The following KCNQ4 variants were observed in gnomAD, a reference collection of about 807,000 sequenced individuals.
KCNQ4 encodes the protein potassium voltage-gated channel subfamily KQT member 4.
KCNQ4 carries 31 observed loss-of-function variants against 72.6 expected under a neutral mutation model. The ratio of observed to expected loss-of-function variants is 0.43; its 90% confidence interval spans 0.32 to 0.58. The LOEUF (loss-of-function observed/expected upper bound fraction) is 0.58. KCNQ4 is among the 20% of genes least tolerant of loss of function. KCNQ4 has a pLI of 0.08. For missense variants in KCNQ4, 869 were observed against 962.6 expected (o/e 0.90, Z 1.29); for synonymous variants, 405 against 403.7 (o/e 1.00, Z -0.04).
At chr1:40,816,102 C>A (rs1648077866) in intron 1 of KCNQ4, among the ~76,000 whole-genome samples, 1 of 152,246 alleles carries the variant, frequency 6.6e-6, no homozygotes, top group East Asian at 1.9e-4. Context: ...CTCGCAGGCA[C>A]AGACATGAGG....
intron 7 of KCNQ4, 82 bp downstream of exon 7, chr1:40,820,342 C>A: frequency 1.7e-6 from 2 of 1,201,854 alleles, no homozygotes; most frequent in Non-Finnish European, 2.4e-6. Flanking sequence ...TGACCCATGT[C>A]CCCAGCCCAA....
intron 1 of KCNQ4, among the ~76,000 whole-genome samples, chr1:40,808,991 T>C (rs763593793): frequency 1.3e-4 from 19 of 151,796 alleles, no homozygotes; most frequent in Non-Finnish European, 2.5e-4. Flanking sequence ...TGTTCTGGTC[T>C]TCCTCTCCTT....
At position 40,822,297 on chromosome 1, in the gene KCNQ4, G is replaced by C; in HGVS notation, c.1042-17G>C. The C allele has an allele frequency of 9.3e-6, 15 of 1,610,438 alleles. No individual in the cohort carries two copies. The highest frequency in any genetic ancestry group is 1.3e-5 in the Non-Finnish European group (15 of 1,176,918). On this transcript the variant is annotated splice_polypyrimidine_tract_variant and intron_variant, in intron 7 of 13. Transcript: ENST00000347132. The stretch of plus-strand genomic sequence containing the variant: ...GCCTCACTGATGCCCCATCCCCCAC[G>C]TCCCCCATACCACCAGGCTGCCTGG...
chr1:40,809,831 G>A (rs972237526), intron 1 of KCNQ4, among the ~76,000 whole-genome samples: 3 of 152,122 alleles, frequency 2.0e-5, no homozygotes, highest in African/African-American at 4.8e-5. Context: ...TTGGGAGGCC[G>A]AGGCAGGTGG....
intron 5 of KCNQ4, 131 bp downstream of exon 5, chr1:40,819,603 C>A: frequency 2.4e-6 from 3 of 1,266,634 alleles, no homozygotes; most frequent in Non-Finnish European, 3.4e-6. Context: ...AGAGCTGGGA[C>A]CCCCCTGAGA....
chr1:40,803,748 C>T (rs1647653239), intron 1 of KCNQ4, among the ~76,000 whole-genome samples: 1 of 152,228 alleles, frequency 6.6e-6, no homozygotes, highest in Non-Finnish European at 1.5e-5. Context: ...GAGCATGGCT[C>T]TCAGGGCAGC....
In KCNQ4 at chr1:40,838,696, G is replaced by C; in HGVS notation, c.*173G>C. The C allele has an allele frequency of 1.5e-6, 1 of 673,640 alleles. No homozygotes were observed. Among genetic ancestry groups the C allele is most frequent in the Non-Finnish European group, 2.6e-6 (1 of 379,958 alleles). The allele number at this position is 673,640 out of a possible 1,614,324, so 41.7% of individuals were successfully genotyped here. On this transcript the variant is annotated 3_prime_UTR_variant, in exon 14 of 14. Transcript: ENST00000347132. ...CGTGGTACCTGCTGTGGGTGCCAGCGCCCCTTCCCCACCTCAGGAGCGTGA... is the reference window on the plus strand; with the variant it reads ...CGTGGTACCTGCTGTGGGTGCCAGCCCCCCTTCCCCACCTCAGGAGCGTGA...
chr1:40,801,797 G>T (rs1015326311), intron 1 of KCNQ4, among the ~76,000 whole-genome samples: 7 of 152,212 alleles, frequency 4.6e-5, no homozygotes, highest in African/African-American at 1.7e-4. Flanking sequence ...GGGAGCACCT[G>T]TCTCTGTAAG....
At chr1:40,833,138 A>T in intron 11 of KCNQ4, 25 bp downstream of exon 11, 2 of 1,568,868 alleles carry the variant, frequency 1.3e-6, no homozygotes, top group Non-Finnish European at 1.7e-6. Context: ...TGAGGCGAGC[A>T]CCCCCCTCCG....
intron 1 of KCNQ4, among the ~76,000 whole-genome samples, chr1:40,815,265 A>G (rs192168379): frequency 2.1e-4 from 32 of 152,028 alleles, no homozygotes; most frequent in Admixed American, 1.6e-3. Flanking sequence ...AAAAGGAAAA[A>G]GAAAAGTGTT....
Position 40,784,145 on chromosome 1 carries a change from G to A in KCNQ4, c.52G>A (p.Ala18Thr). 4.9e-6 allele frequency: 5 copies of A among 1,018,480 alleles called. No individual in the cohort carries two copies. The highest frequency in any genetic ancestry group is 1.8e-5 in the African/African-American group (1 of 56,776). The allele number at this position is 1,018,480 out of a possible 1,614,324, so 63.1% of individuals were successfully genotyped here. ...CGGCCTGGGTCCCCCGCCCGGGGAC[G>A]CCCCCCGCGCGGAGCTAGTGGCGCT... ...RLGLGPPPGDAPRAELVALTA... is the reference protein window; with the variant it reads ...RLGLGPPPGDTPRAELVALTA... Residue 18 changes from alanine to threonine, a missense_variant, in exon 1 of 14, where the codon GCC becomes ACC. Physicochemically the swap from Ala to Thr is moderately conservative, Grantham distance 58. Coordinates refer to ENST00000347132, the MANE Select transcript of KCNQ4 (RefSeq NM_004700.4). The surrounding 1 kb of genome is among the most constrained non-coding windows in gnomAD (Gnocchi z 4.1).
At chr1:40,829,510 TC>T (rs1648574944) in intron 9 of KCNQ4, among the ~76,000 whole-genome samples, 1 of 152,076 alleles carries the variant, frequency 6.6e-6, no homozygotes, top group East Asian at 1.9e-4. Context: ...CTGGCCACCT[TC>T]CTGAAGGTGC....
At chr1:40,791,913 T>G (rs961398779) in intron 1 of KCNQ4, among the ~76,000 whole-genome samples, 1 of 152,104 alleles carries the variant, frequency 6.6e-6, no homozygotes. Flanking sequence ...GCCCCCTGTC[T>G]AGCCGGGCTG....
At position 40,838,865 on chromosome 1, in the gene KCNQ4, G is replaced by A. The variant is rs1648895018; in HGVS notation, c.*342G>A. 3 of 416,468 alleles carry A rather than the reference G, an allele frequency of 7.2e-6. No homozygotes were observed. The highest frequency in any genetic ancestry group is 7.1e-5 in the South Asian group (3 of 42,114). The allele number at this position is 416,468 out of a possible 1,614,324, so 25.8% of individuals were successfully genotyped here. A position where few individuals can be genotyped will look rare whatever the true frequency, so the allele number is the denominator to read the frequency against. On this transcript the variant is annotated 3_prime_UTR_variant, in exon 14 of 14. Transcript: ENST00000347132. The stretch of plus-strand genomic sequence containing the variant: ...GAGTGGGAGCGGGCGCTGGGGCCCT[G>A]GGCCCTGACCCAGCTTCCAGCTATG...
chr1:40,834,839 G>T, intron 11 of KCNQ4, 128 bp from the exon 12 acceptor site: 1 of 1,247,728 alleles, frequency 8.0e-7, no homozygotes, highest in Non-Finnish European at 1.2e-6. Context: ...CGCAGCAGAG[G>T]CTGTTCATGG....
At chr1:40,826,449 C>T (rs1476051950) in intron 9 of KCNQ4, among the ~76,000 whole-genome samples, 1 of 152,194 alleles carries the variant, frequency 6.6e-6, no homozygotes, top group African/African-American at 2.4e-5. Flanking sequence ...GTAACATGGT[C>T]CCCAGGGGAT....
chr1:40,820,736 G>C (rs1648263079), intron 7 of KCNQ4, among the ~76,000 whole-genome samples: 1 of 152,222 alleles, frequency 6.6e-6, no homozygotes, highest in African/African-American at 2.4e-5. Context: ...GGGTGGGCCT[G>C]CAAAGTTGAG....
intron 1 of KCNQ4, among the ~76,000 whole-genome samples, chr1:40,787,500 T>C (rs1025449600): frequency 3.9e-5 from 6 of 152,178 alleles, no homozygotes; most frequent in Admixed American, 1.3e-4. Flanking sequence ...AACCTGCATC[T>C]TTCTGGCTCC....
chr1:40,817,219 C>T lies in KCNQ4; in HGVS notation c.315-46C>T, dbSNP rs765256705. On this transcript the variant is annotated intron_variant, in intron 1 of 13. Coordinates refer to ENST00000347132, the MANE Select transcript of KCNQ4 (RefSeq NM_004700.4). The surrounding 1 kb of genome is among the most constrained non-coding windows in gnomAD (Gnocchi z 5.5). ...CCCTGCCAGGGGCACCTTGGCTGTC[C>T]TGTCCCTCCAACAATCTAACCCTCT... 2.6e-6 allele frequency: 4 copies of T among 1,527,702 alleles called. No homozygotes were observed. The highest frequency in any genetic ancestry group is 3.6e-6 in the Non-Finnish European group (4 of 1,104,746). 94.6% of individuals were successfully genotyped at this position (1,527,702 alleles called of 1,614,324 possible). A position where few individuals can be genotyped will look rare whatever the true frequency, so the allele number is the denominator to read the frequency against.
Sources: gnomAD v4.1 joint callset for allele counts (sites outside exome capture counted in the v4.1 genomes callset) on GRCh38, gnomAD v4.1.1 for gene constraint, Gnocchi (gnomAD v3.1) non-coding constraint, MANE v1.5 for transcripts, NCBI Gene and HGNC (gene_info 2026-07-23, HGNC 2026-07-21) for gene names.